Variants in GTPBP2 observed in about 807,000 individuals in gnomAD.
GTPBP2 encodes GTP binding protein 2.
A neutral mutation model predicts 63.0 loss-of-function variants in GTPBP2; 32 were observed. The ratio of observed to expected loss-of-function variants is 0.51; its 90% CI spans 0.38 to 0.68. The LOEUF (loss-of-function observed/expected upper bound fraction) is 0.68, where lower values mean the gene tolerates loss of function less well. Ranked by LOEUF, GTPBP2 falls within the 30% of genes least tolerant of loss-of-function variation. The probability of loss-of-function intolerance (pLI) is 0.00; values close to 1 mark genes in which losing one functional copy is unlikely to be tolerated. For synonymous variants in GTPBP2, 310 were observed against 322.6 expected (o/e 0.96, Z 0.42); for missense variants, 492 against 796.9 (o/e 0.62, Z 4.61).
At chr6:43,627,135 T>C (rs1769430859) in intron 1 of GTPBP2, 187 bp from the exon 2 acceptor site, 5 of 639,262 alleles carry the variant, frequency 7.8e-6, no homozygotes, top group Non-Finnish European at 1.2e-5. Flanking sequence ...ATAGCCTCTA[T>C]GAAGGGAAGG....
In GTPBP2 at chr6:43,625,720, T is replaced by A. The variant is rs751688996; in HGVS notation, c.507+36A>T. ...CTGCCACCACAGGGCCCTTCCACAG[T>A]GTGGACATGAGAGACAGGGATGGGT... On this transcript the variant is annotated intron_variant, in intron 4 of 11. Coordinates refer to ENST00000307126, the MANE Select transcript of GTPBP2 (RefSeq NM_019096.5). The surrounding 1 kb of genome is among the most constrained non-coding windows in gnomAD (Gnocchi z 5.1). 2.6e-6 allele frequency: 4 copies of A among 1,529,174 alleles called. 1 individual carries two copies. In the South Asian group the frequency reaches 4.5e-5, roughly 17 times the overall value. 94.7% of individuals were successfully genotyped at this position (1,529,174 alleles called of 1,614,324 possible). A position where few individuals can be genotyped will look rare whatever the true frequency, so the allele number is the denominator to read the frequency against.
Position 43,623,867 on chromosome 6 carries a change from C to A in GTPBP2, c.1236+66G>T, listed in dbSNP as rs1769055946. The stretch of plus-strand genomic sequence containing the variant: ...TGGGTCCAAAATCTCTAAACAGACT[C>A]TGGGTTTGGTCTGAAGCAGCCCCTC... On this transcript the variant is annotated intron_variant, in intron 8 of 11. Transcript: ENST00000307126. The A allele has an allele frequency of 3.1e-6, 5 of 1,611,908 alleles. No individual in the cohort carries two copies. In the Admixed American group the frequency reaches 8.3e-5, roughly 27 times the overall value.
At position 43,623,731 on chromosome 6, in the gene GTPBP2, A is replaced by G. The variant is rs1769033207; in HGVS notation, c.1295+6T>C. ...AGTGGGGAGGGTAGCAAGCAAGACAATTTACCTGGAAAGTGTTCCTCCAAC... is the reference window on the plus strand; with the variant it reads ...AGTGGGGAGGGTAGCAAGCAAGACAGTTTACCTGGAAAGTGTTCCTCCAAC... On this transcript the variant is annotated splice_donor_region_variant and intron_variant, in intron 9 of 11. Coordinates refer to ENST00000307126, the MANE Select transcript of GTPBP2 (RefSeq NM_019096.5). 6.2e-7 allele frequency: 1 copy of G among 1,606,874 alleles called. No individual in the cohort carries two copies.
At position 43,620,997 on chromosome 6, in the gene GTPBP2, G is replaced by T; in HGVS notation, c.*617C>A. On this transcript the variant is annotated 3_prime_UTR_variant, in exon 12 of 12. Transcript: ENST00000307126. ...GAGGGGATGGGGGAGATAGGGACTG[G>T]GGAAATGGCCCTTGAGTGAAGGAAA... is the stretch of plus-strand genomic sequence containing the variant. 5.1e-6 allele frequency: 1 copy of T among 194,178 alleles called. No individual in the cohort carries two copies. The highest frequency in any genetic ancestry group is 1.1e-5 in the Non-Finnish European group (1 of 92,160). The allele number at this position is 194,178 out of a possible 1,614,324, so 12.0% of individuals were successfully genotyped here.
In GTPBP2 at chr6:43,624,084, T is replaced by C; in HGVS notation, c.1101-16A>G. The C allele has an allele frequency of 2.5e-6, 4 of 1,605,132 alleles. No individual in the cohort carries two copies. The highest frequency in any genetic ancestry group is 2.6e-6 in the Non-Finnish European group (3 of 1,174,860). ...GGGGGTGACACTGTAGAGGGAGGCA[T>C]GGAATGGACAGATGAAGACAGTCCA... On this transcript the variant is annotated splice_polypyrimidine_tract_variant and intron_variant, in intron 7 of 11. Transcript: ENST00000307126. This position sits in a 1 kb window ranked among gnomAD's most constrained non-coding sequence, Gnocchi z 5.1.
intron 1 of GTPBP2, chr6:43,628,444 C>A: frequency 1.8e-6 from 1 of 559,352 alleles, no homozygotes; most frequent in African/African-American, 2.0e-5. Flanking sequence ...CGATACATGC[C>A]AAAGTTTGAT....
Position 43,621,272 on chromosome 6 carries a change from A to G in GTPBP2, c.*342T>C. On this transcript the variant is annotated 3_prime_UTR_variant, in exon 12 of 12. Transcript: ENST00000307126. The stretch of plus-strand genomic sequence containing the variant: ...ATTCCTGAAGTGCAGAGACCACACC[A>G]GCAAAACATGCCCAGTCTTAGTAGT... 1.9e-6 allele frequency: 1 copy of G among 528,078 alleles called. No individual in the cohort carries two copies. 32.7% of individuals were successfully genotyped at this position (528,078 alleles called of 1,614,324 possible).
In GTPBP2 at chr6:43,621,178, C is replaced by T; in HGVS notation, c.*436G>A. On this transcript the variant is annotated 3_prime_UTR_variant, in exon 12 of 12. Transcript: ENST00000307126. The stretch of plus-strand genomic sequence containing the variant: ...TTGTCCACAGCCAGGTAGAGATGGG[C>T]AACTTACATGGCCTTGAGAAGAGGT... 1 of 342,728 alleles carries T rather than the reference C, an allele frequency of 2.9e-6. No individual in the cohort carries two copies. Among genetic ancestry groups the T allele is most frequent in the South Asian group, 2.3e-5 (1 of 44,012 alleles). The allele number at this position is 342,728 out of a possible 1,614,324, so 21.2% of individuals were successfully genotyped here. A position where few individuals can be genotyped will look rare whatever the true frequency, so the allele number is the denominator to read the frequency against.
In GTPBP2 at chr6:43,624,618, C is replaced by T. The variant is rs956751637; in HGVS notation, c.992G>A (p.Arg331His). 7 of 1,613,966 alleles carry T rather than the reference C, an allele frequency of 4.3e-6. No individual in the cohort carries two copies. Among genetic ancestry groups the T allele is most frequent in the African/African-American group, 1.3e-5 (1 of 74,906 alleles). Reference protein sequence around the residue: ...CAKTTVERTVRQLERVLKQPG... With the variant: ...CAKTTVERTVHQLERVLKQPG... ...CTGCTTGAGGACCCGCTCCAGCTGGCGTACTGTCCTCTCCACTGTGGTCTT... is the reference window on the plus strand; with the variant it reads ...CTGCTTGAGGACCCGCTCCAGCTGGTGTACTGTCCTCTCCACTGTGGTCTT... Residue 331 changes from arginine to histidine, a missense_variant, in exon 7 of 12, where the codon CGC becomes CAC. Transcript: ENST00000307126. The surrounding 1 kb of genome is among the most constrained non-coding windows in gnomAD (Gnocchi z 5.1).
intron 9 of GTPBP2, chr6:43,623,013 C>T (rs1768916767): frequency 3.6e-6 from 2 of 557,448 alleles, no homozygotes; most frequent in Non-Finnish European, 6.4e-6. Flanking sequence ...TGATGGTGGA[C>T]AGAGAGACAC....
chr6:43,623,741 A>C lies in GTPBP2; in HGVS notation c.1291T>G (p.Ser431Ala). ...GTAGCAAGCAAGACAATTTACCTGG[A>C]AAGTGTTCCTCCAACAACAGTCCCC... ...EVGTVVGGTL[S>A]SGICREGDQL... The change falls in exon 9 of 12, where the codon TCC becomes GCC. Residue 431 changes from serine to alanine, a missense_variant. Transcript: ENST00000307126. 6.2e-7 allele frequency: 1 copy of C among 1,611,380 alleles called. No individual in the cohort carries two copies. Among genetic ancestry groups the C allele is most frequent in the East Asian group, 2.2e-5 (1 of 44,870 alleles).
rs1476374829 is a variant in GTPBP2, at chr6:43,622,853, C to G, written c.1296-49G>C. The G allele has an allele frequency of 7.1e-7, 1 of 1,417,274 alleles. No homozygotes were observed. Among genetic ancestry groups the G allele is most frequent in the East Asian group, 2.4e-5 (1 of 41,222 alleles). The allele number at this position is 1,417,274 out of a possible 1,614,324, so 87.8% of individuals were successfully genotyped here. ...ACAGTGTCAGCCAAGGTCCCCATACCTACTTCTCTATTAGGATCACCCAGA... is the reference window on the plus strand; with the variant it reads ...ACAGTGTCAGCCAAGGTCCCCATACGTACTTCTCTATTAGGATCACCCAGA... On this transcript the variant is annotated intron_variant, in intron 9 of 11. Transcript: ENST00000307126. This position sits in a 1 kb window ranked among gnomAD's most constrained non-coding sequence, Gnocchi z 5.4.
intron 1 of GTPBP2, among the ~76,000 whole-genome samples, chr6:43,628,067 G>T (rs1375730993): frequency 1.3e-5 from 2 of 152,110 alleles, no homozygotes; most frequent in African/African-American, 4.8e-5. Flanking sequence ...TAGTAAGAAA[G>T]AATCAGAAAT....
In GTPBP2 at chr6:43,625,277, C is replaced by T; in HGVS notation, c.705+86G>A. ...CATCTATACTATTTCAAAAAGTCTC[C>T]ACACTCTACCCCCATCCTATGTCCT... On this transcript the variant is annotated intron_variant, in intron 5 of 11. Coordinates refer to ENST00000307126, the MANE Select transcript of GTPBP2 (RefSeq NM_019096.5). The surrounding 1 kb of genome is among the most constrained non-coding windows in gnomAD (Gnocchi z 5.1). 1.5e-6 allele frequency: 2 copies of T among 1,321,930 alleles called. No homozygotes were observed. Among genetic ancestry groups the T allele is most frequent in the Non-Finnish European group, 2.2e-6 (2 of 920,274 alleles). The allele number at this position is 1,321,930 out of a possible 1,614,324, so 81.9% of individuals were successfully genotyped here. A position where few individuals can be genotyped will look rare whatever the true frequency, so the allele number is the denominator to read the frequency against.
intron 9 of GTPBP2, 55 bp downstream of exon 9, chr6:43,623,682 C>T (rs538260595): frequency 1.5e-6 from 2 of 1,319,922 alleles, no homozygotes; most frequent in East Asian, 2.3e-5. Context: ...GCCAGGATGT[C>T]TTTGAGTATA....
At chr6:43,629,464 G>A (rs569121993), upstream of GTPBP2, 2 of 569,306 alleles carry the variant, frequency 3.5e-6, no homozygotes, top group East Asian at 3.1e-5. Flanking sequence ...GAAGGAGCGC[G>A]CCTTGGCGCG....
Position 43,622,992 on chromosome 6 carries a change from A to C in GTPBP2, c.1296-188T>G. 1 of 578,710 alleles carries C rather than the reference A, an allele frequency of 1.7e-6. No homozygotes were observed. Among genetic ancestry groups the C allele is most frequent in the Non-Finnish European group, 3.1e-6 (1 of 324,396 alleles). The allele number at this position is 578,710 out of a possible 1,614,324, so 35.8% of individuals were successfully genotyped here. ...CAGAATCAGAAGACTAATTTCATAA[A>C]AGGCCAGCAGTGATGGTGGACAGAG... On this transcript the variant is annotated intron_variant, in intron 9 of 11. Coordinates refer to ENST00000307126, the MANE Select transcript of GTPBP2 (RefSeq NM_019096.5). This position sits in a 1 kb window ranked among gnomAD's most constrained non-coding sequence, Gnocchi z 5.4.
At chr6:43,630,267 T>C (rs1292882645), upstream of GTPBP2, among the ~76,000 whole-genome samples, 1 of 152,174 alleles carries the variant, frequency 6.6e-6, no homozygotes, top group African/African-American at 2.4e-5. Context: ...TTCAGCGACA[T>C]AAGCCAGTGC....
rs937650347 is a variant in GTPBP2, at chr6:43,621,289, C to A, written c.*325G>T. ...ACCACACCAGCAAAACATGCCCAGT[C>A]TTAGTAGTGGGGACGAAGAATTGAT... is the stretch of plus-strand genomic sequence containing the variant. On this transcript the variant is annotated 3_prime_UTR_variant, in exon 12 of 12. Transcript: ENST00000307126. 23 of 634,292 alleles carry A rather than the reference C, an allele frequency of 3.6e-5. No homozygotes were observed. The highest frequency in any genetic ancestry group is 5.8e-5 in the Non-Finnish European group (22 of 376,592). 39.3% of individuals were successfully genotyped at this position (634,292 alleles called of 1,614,324 possible). A position where few individuals can be genotyped will look rare whatever the true frequency, so the allele number is the denominator to read the frequency against.
Sources: allele counts gnomAD v4.1 joint callset (sites outside exome capture counted in the v4.1 genomes callset), GRCh38; gene constraint gnomAD v4.1.1; non-coding constraint Gnocchi (gnomAD v3.1); transcripts MANE v1.5; gene names NCBI Gene and HGNC (gene_info 2026-07-23, HGNC 2026-07-21).